RELN: variants seen among roughly 807,000 people sequenced by gnomAD.
The protein encoded by RELN is reelin.
In RELN, 108 loss-of-function variants were observed where a neutral mutation model predicts 427.6. The ratio of observed to expected loss-of-function variants is 0.25; its 90% CI spans 0.22 to 0.30. The LOEUF is 0.30. RELN is among the 10% of genes least tolerant of loss of function. The pLI is 1.00. For synonymous variants in RELN, 1,524 were observed against 1,513.4 expected (o/e 1.01, Z -0.16); for missense variants, 3,715 against 4,302.8 (o/e 0.86, Z 3.82).
intron 4 of RELN, among the ~76,000 whole-genome samples, chr7:103,766,595 C>T (rs1346139597): frequency 6.6e-6 from 1 of 152,244 alleles, no homozygotes; most frequent in Non-Finnish European, 1.5e-5. Context: ...ACCCCATTCA[C>T]ATTCTGGACT....
intron 64 of RELN, among the ~76,000 whole-genome samples, chr7:103,473,320 T>C (rs1404042686): frequency 1.3e-5 from 2 of 152,198 alleles, no homozygotes; most frequent in Non-Finnish European, 2.9e-5. Context: ...GAAAAATAAT[T>C]TGGTTCCTTT....
intron 1 of RELN, among the ~76,000 whole-genome samples, chr7:103,973,275 G>A (rs771573461): frequency 5.9e-5 from 9 of 152,192 alleles, no homozygotes; most frequent in Non-Finnish European, 1.3e-4. Context: ...TGTGGTTCTA[G>A]GGGAACCCTT....
At chr7:103,677,408 A>AATG (rs1833557506) in intron 11 of RELN, among the ~76,000 whole-genome samples, 1 of 29,142 alleles carries the variant, frequency 3.4e-5, no homozygotes, top group South Asian at 1.0e-3. Context: ...CTTAAAGTAT[A>AATG]ATAATAATAA....
At chr7:103,910,841 C>A (rs1584358872) in intron 2 of RELN, among the ~76,000 whole-genome samples, 2 of 123,148 alleles carry the variant, frequency 1.6e-5, no homozygotes, top group East Asian at 2.5e-4. Flanking sequence ...ACACCTTATA[C>A]AAAAATCAAT....
At position 103,968,391 on chromosome 7, in the gene RELN, A is replaced by G. The variant is rs1256001399; in HGVS notation, c.226+20740T>C. On this transcript the variant is annotated intron_variant, in intron 1 of 64. Transcript: ENST00000428762. The surrounding 1 kb of genome is among the most constrained non-coding windows in gnomAD (Gnocchi z 4.3). ...TTATCTCAGAGATGCTGCCTGGAAC[A>G]CCAAGTGCCCTTTCATCAGTTGGTT... Among the ~76,000 whole-genome samples the G allele has an allele frequency of 1.3e-5, 2 of 152,194 alleles. No homozygotes were observed. Among genetic ancestry groups the G allele is most frequent in the Non-Finnish European group, 2.9e-5 (2 of 68,038 alleles).
rs192380617 is a variant in RELN, at chr7:103,673,355, C to T, written c.1289+8761G>A. On this transcript the variant is annotated intron_variant, in intron 11 of 64. Coordinates refer to ENST00000428762, the MANE Select transcript of RELN (RefSeq NM_005045.4). ...AACATTAAGAGTTAACCAAGATCTA[C>T]AGTTTCATTCTAAACAGGTTAAGAA... Among the ~76,000 whole-genome samples the T allele has an allele frequency of 3.9e-5, 6 of 152,204 alleles. No homozygotes were observed. The East Asian group carries it at 9.6e-4, about 24-fold the overall frequency.
At chr7:103,749,702 A>G (rs1462098739) in intron 5 of RELN, among the ~76,000 whole-genome samples, 198 bp from the exon 6 acceptor site, 1 of 152,192 alleles carries the variant, frequency 6.6e-6, no homozygotes, top group African/African-American at 2.4e-5. Context: ...AAACACCTAG[A>G]AGTTGGGAAA....
Position 103,766,158 on chromosome 7 carries a change from T to A in RELN, c.544+10399A>T, listed in dbSNP as rs149484630. Among the ~76,000 whole-genome samples the A allele has an allele frequency of 1.9e-3, 286 of 152,280 alleles. 1 individual carries two copies. The highest frequency in any genetic ancestry group is 6.6e-3 in the African/African-American group (273 of 41,556). ...GCAAGATCGGGGGTTCCTGGATGGT[T>A]TTCCCTGAGCCTCTTAATTCAGTTG... is the stretch of plus-strand genomic sequence containing the variant. On this transcript the variant is annotated intron_variant, in intron 4 of 64. Coordinates refer to ENST00000428762, the MANE Select transcript of RELN (RefSeq NM_005045.4).
Position 103,636,389 on chromosome 7 carries a change from T to C in RELN, c.2149A>G (p.Ser717Gly), listed in dbSNP as rs2117351584. 1 of 1,613,988 alleles carries C rather than the reference T, an allele frequency of 6.2e-7. No individual in the cohort carries two copies. Among genetic ancestry groups the C allele is most frequent in the Non-Finnish European group, 8.5e-7 (1 of 1,179,938 alleles). Reference protein sequence around the residue: ...FPMFISESFGSSRLSSYHNFY... With the variant: ...FPMFISESFGGSRLSSYHNFY... Reference sequence around the variant, plus strand: ...TTATGGTAAGAGGAGAGCCTGGAACTGCCAAAGCTTTCAGAAATAAACATT... The same window carrying C: ...TTATGGTAAGAGGAGAGCCTGGAACCGCCAAAGCTTTCAGAAATAAACATT... The change falls in exon 18 of 65, where the codon AGT becomes GGT. Residue 717 changes from serine to glycine, a missense_variant. Coordinates refer to ENST00000428762, the MANE Select transcript of RELN (RefSeq NM_005045.4).
chr7:103,638,060 T>C (rs1832621356), intron 17 of RELN, among the ~76,000 whole-genome samples: 1 of 144,002 alleles, frequency 6.9e-6, no homozygotes, highest in Non-Finnish European at 1.5e-5. Context: ...AAGTAGTTTT[T>C]TAAAAATATT....
intron 20 of RELN, among the ~76,000 whole-genome samples, chr7:103,617,342 G>A (rs565903342): frequency 1.9e-3 from 290 of 152,188 alleles, no homozygotes; most frequent in Non-Finnish European, 2.9e-3. Context: ...AAGGAGGTTT[G>A]TCCTCCTGAA....
intron 20 of RELN, among the ~76,000 whole-genome samples, chr7:103,628,891 G>A (rs1832388184): frequency 6.6e-6 from 1 of 152,136 alleles, no homozygotes; most frequent in African/African-American, 2.4e-5. Context: ...CAGGATCTCT[G>A]GGCCTAGAAG....
intron 28 of RELN, among the ~76,000 whole-genome samples, chr7:103,587,649 G>A (rs955359918): frequency 3.3e-5 from 5 of 151,652 alleles, no homozygotes; most frequent in African/African-American, 1.2e-4. Flanking sequence ...AATATAATAG[G>A]AATAGAGTAT....
intron 12 of RELN, among the ~76,000 whole-genome samples, chr7:103,654,999 A>G (rs1233737868): frequency 6.6e-6 from 1 of 152,010 alleles, no homozygotes; most frequent in Non-Finnish European, 1.5e-5. Context: ...TTTTGTAGAG[A>G]CGGGGTCTCC....
At chr7:103,534,311 G>C (rs986610898) in intron 46 of RELN, among the ~76,000 whole-genome samples, 1 of 152,154 alleles carries the variant, frequency 6.6e-6, no homozygotes, top group Non-Finnish European at 1.5e-5. Context: ...CTATCAAGAT[G>C]TTAAAGCTTT....
At chr7:103,548,223 A>G (rs1459252722) in intron 41 of RELN, among the ~76,000 whole-genome samples, 1 of 152,246 alleles carries the variant, frequency 6.6e-6, no homozygotes, top group Admixed American at 6.5e-5. Flanking sequence ...CTATATATGT[A>G]GAAGGAACAA....
intron 10 of RELN, among the ~76,000 whole-genome samples, chr7:103,686,901 T>C (rs1833776264): frequency 6.6e-6 from 1 of 152,170 alleles, no homozygotes; most frequent in African/African-American, 2.4e-5. Flanking sequence ...TTTCTAAGAA[T>C]TTAATGGCAG....
At chr7:103,957,495 A>C (rs986071480) in intron 1 of RELN, among the ~76,000 whole-genome samples, 7 of 152,214 alleles carry the variant, frequency 4.6e-5, no homozygotes, top group African/African-American at 1.7e-4. Context: ...CTCGTATTAT[A>C]GAGAAACCAG....
At chr7:103,827,704 T>C (rs1054323614) in intron 3 of RELN, among the ~76,000 whole-genome samples, 3 of 151,964 alleles carry the variant, frequency 2.0e-5, no homozygotes, top group African/African-American at 4.8e-5. Flanking sequence ...CCTTTAAGGA[T>C]AGACAATATT....
Sources: gnomAD v4.1 joint callset for allele counts (sites outside exome capture counted in the v4.1 genomes callset) on GRCh38, gnomAD v4.1.1 for gene constraint, Gnocchi (gnomAD v3.1) non-coding constraint, MANE v1.5 for transcripts, NCBI Gene and HGNC (gene_info 2026-07-23, HGNC 2026-07-21) for gene names.